Variants in MAGI3 observed in about 807,000 individuals in gnomAD.
MAGI3 encodes membrane-associated guanylate kinase, WW and PDZ domain-containing protein 3.
A neutral mutation model predicts 121.8 loss-of-function variants in MAGI3; 43 were observed. The ratio of observed to expected loss-of-function variants is 0.35; its 90% confidence interval spans 0.28 to 0.46. The LOEUF is 0.46. MAGI3 is among the 20% of genes least tolerant of loss of function. The probability of loss-of-function intolerance (pLI) is 1.00; values close to 1 mark genes in which losing one functional copy is unlikely to be tolerated. For synonymous variants in MAGI3, 553 were observed against 639.3 expected (o/e 0.86, Z 2.04); for missense variants, 1,547 against 1,797.3 (o/e 0.86, Z 2.52).
At chr1:113,584,744 G>T (rs1217205) in intron 3 of MAGI3, among the ~76,000 whole-genome samples, 150,382 of 152,252 alleles carry the variant, frequency 0.99, 74,306 homozygotes, top group East Asian at 1. Flanking sequence ...AATTCACAAA[G>T]TATGTCCTAA....
intron 9 of MAGI3, among the ~76,000 whole-genome samples, chr1:113,629,424 T>G (rs961130424): frequency 2.0e-5 from 3 of 152,210 alleles, no homozygotes; most frequent in African/African-American, 7.2e-5. Context: ...GATTGGTCCC[T>G]AGTGCCTTAT....
chr1:113,549,242 T>C (rs1659663897), intron 1 of MAGI3, among the ~76,000 whole-genome samples: 1 of 152,172 alleles, frequency 6.6e-6, no homozygotes, highest in Non-Finnish European at 1.5e-5. Context: ...CTAAATGAAA[T>C]TACTCTGAAT....
At chr1:113,555,859 T>C (rs369317200) in intron 2 of MAGI3, among the ~76,000 whole-genome samples, 4 of 151,940 alleles carry the variant, frequency 2.6e-5, no homozygotes, top group African/African-American at 9.7e-5. Context: ...GCTATAATCA[T>C]GTCAGGAATG....
chr1:113,632,654 T>C (rs1364862564), intron 9 of MAGI3, among the ~76,000 whole-genome samples: 1 of 152,262 alleles, frequency 6.6e-6, no homozygotes, highest in Non-Finnish European at 1.5e-5. Context: ...GAGGGATTTA[T>C]TAAGCTGCCT....
At position 113,422,014 on chromosome 1, in the gene MAGI3, T is replaced by G. The variant is rs560326038; in HGVS notation, c.316+30665T>G. ...CTCTTATCATTAGTGTGAACTGACTTTAAAACTTTATGTAAAACATGCCCT... is the reference window on the plus strand; with the variant it reads ...CTCTTATCATTAGTGTGAACTGACTGTAAAACTTTATGTAAAACATGCCCT... On this transcript the variant is annotated intron_variant, in intron 1 of 20. Transcript: ENST00000307546. The surrounding 1 kb of genome is among the most constrained non-coding windows in gnomAD (Gnocchi z 4.3). 2.2e-4 allele frequency among the ~76,000 whole-genome samples: 33 copies of G among 152,328 alleles called. No individual in the cohort carries two copies. The highest frequency in any genetic ancestry group is 7.5e-4 in the African/African-American group (31 of 41,566).
Position 113,672,596 on chromosome 1 carries a change from T to TAGAA in MAGI3, c.2919-19_2919-18insAGAA. 1.2e-6 allele frequency: 2 copies of TAGAA among 1,604,806 alleles called. No individual in the cohort carries two copies. The highest frequency in any genetic ancestry group is 1.7e-6 in the Non-Finnish European group (2 of 1,176,964). ...CATTTTCTCAGTTCAGAGAGTGACT[T>TAGAA]GATTTCTCTCTCTTGTAGAAGTGCC... is the stretch of plus-strand genomic sequence containing the variant. On this transcript the variant is annotated intron_variant, in intron 17 of 20. Transcript: ENST00000307546.
intron 1 of MAGI3, among the ~76,000 whole-genome samples, chr1:113,533,987 C>T (rs1658849470): frequency 6.6e-6 from 1 of 152,064 alleles, no homozygotes; most frequent in South Asian, 2.1e-4. Flanking sequence ...TCTCTTTTCT[C>T]CTGCAGGGAC....
chr1:113,560,291 G>A (rs564980189), intron 2 of MAGI3, among the ~76,000 whole-genome samples: 15 of 152,100 alleles, frequency 9.9e-5, no homozygotes, highest in East Asian at 5.8e-4. Context: ...CAGGAGAATC[G>A]CTTGAACCTG....
intron 1 of MAGI3, among the ~76,000 whole-genome samples, chr1:113,451,162 A>G (rs543272296): frequency 6.6e-6 from 1 of 152,346 alleles, no homozygotes; most frequent in Non-Finnish European, 1.5e-5. Context: ...AAATTGGTCC[A>G]TCATGTGTAT....
chr1:113,559,912 C>T (rs1200820833), intron 2 of MAGI3, among the ~76,000 whole-genome samples: 1 of 152,048 alleles, frequency 6.6e-6, no homozygotes, highest in Non-Finnish European at 1.5e-5. Flanking sequence ...ACTTAGACTC[C>T]CACACAATAA....
intron 2 of MAGI3, among the ~76,000 whole-genome samples, chr1:113,578,735 T>C (rs2101716403): frequency 6.6e-6 from 1 of 151,996 alleles, no homozygotes; most frequent in African/African-American, 2.4e-5. Flanking sequence ...ATGAGAAATA[T>C]AAAAATTTGA....
chr1:113,523,326 G>A (rs1658291930), intron 1 of MAGI3, among the ~76,000 whole-genome samples: 1 of 152,210 alleles, frequency 6.6e-6, no homozygotes, highest in South Asian at 2.1e-4. Context: ...AACCAAAAAT[G>A]TGGAAGTGAC....
At chr1:113,623,219 C>T (rs1650950999) in intron 9 of MAGI3, among the ~76,000 whole-genome samples, 1 of 151,720 alleles carries the variant, frequency 6.6e-6, no homozygotes, top group African/African-American at 2.4e-5. Context: ...ATGATACAGG[C>T]ATGCAATAAG....
At chr1:113,588,989 G>A (rs1648544566) in intron 4 of MAGI3, among the ~76,000 whole-genome samples, 2 of 152,132 alleles carry the variant, frequency 1.3e-5, no homozygotes, top group Non-Finnish European at 2.9e-5. Flanking sequence ...GGTGATGCAG[G>A]AAGGAGAGTG....
intron 9 of MAGI3, among the ~76,000 whole-genome samples, chr1:113,628,998 A>ATCCCTCTG (rs2101799263): frequency 6.6e-6 from 1 of 152,232 alleles, no homozygotes; most frequent in Admixed American, 6.5e-5. Flanking sequence ...CCCTTTGAAT[A>ATCCCTCTG]AACTTTTTAC....
intron 1 of MAGI3, among the ~76,000 whole-genome samples, chr1:113,392,794 C>T (rs894872106): frequency 6.6e-6 from 1 of 152,066 alleles, no homozygotes; most frequent in Admixed American, 6.6e-5. Context: ...ACTTTTACAG[C>T]CATGTGTGAA....
At chr1:113,446,610 T>C (rs1336661092) in intron 1 of MAGI3, among the ~76,000 whole-genome samples, 1 of 152,218 alleles carries the variant, frequency 6.6e-6, no homozygotes, top group African/African-American at 2.4e-5. Context: ...AAAAACATGA[T>C]TCACTTATAT....
intron 1 of MAGI3, among the ~76,000 whole-genome samples, chr1:113,520,479 A>G (rs1658122371): frequency 6.6e-6 from 1 of 152,180 alleles, no homozygotes; most frequent in Admixed American, 6.5e-5. Context: ...GTATTTTTTA[A>G]GAGATTTTAA....
In MAGI3 at chr1:113,650,013, T is replaced by A. The variant is rs1000422464; in HGVS notation, c.2247+685T>A. Among the ~76,000 whole-genome samples, 62 of 152,280 alleles carry A rather than the reference T, an allele frequency of 4.1e-4. 1 individual carries two copies. Among genetic ancestry groups the A allele is most frequent in the Middle Eastern group, 6.8e-3 (2 of 292 alleles). On this transcript the variant is annotated intron_variant, in intron 13 of 20. Coordinates refer to ENST00000307546, the MANE Select transcript of MAGI3 (RefSeq NM_001142782.2). Reference sequence around the variant, plus strand: ...CAAAGAAGTAATGTGTTCTGTAGCATTTTTAAGAACATATTTGCATTTTAT... The same window carrying A: ...CAAAGAAGTAATGTGTTCTGTAGCAATTTTAAGAACATATTTGCATTTTAT...
Sources: gnomAD v4.1 joint callset for allele counts (sites outside exome capture counted in the v4.1 genomes callset) on GRCh38, gnomAD v4.1.1 for gene constraint, Gnocchi (gnomAD v3.1) non-coding constraint, MANE v1.5 for transcripts, NCBI Gene and HGNC (gene_info 2026-07-23, HGNC 2026-07-21) for gene names.